The following CP variants were observed in gnomAD, a reference collection of about 807,000 sequenced individuals.
CP encodes the protein ceruloplasmin.
A neutral mutation model predicts 122.4 loss-of-function variants in CP; 64 were observed. The observed-to-expected ratio is 0.52, with a 90% CI of 0.43 to 0.64. CP has a LOEUF of 0.64. Among genes scored for constraint, CP ranks in the 30% least tolerant of loss-of-function variants. The pLI is 0.00. For synonymous variants in CP, 440 were observed against 436.4 expected (o/e 1.01, Z -0.10); for missense variants, 1,167 against 1,284.4 (o/e 0.91, Z 1.40).
chr3:149,170,365 GA>G (rs1262699195), downstream of CP: 3 of 152,276 alleles, frequency 2.0e-5, no homozygotes, highest in Admixed American at 1.3e-4. Flanking sequence ...GCTTTGATAG[GA>G]AAACATCAAT....
chr3:149,189,618 T>G (rs1726415581), intron 9 of CP, among the ~76,000 whole-genome samples: 1 of 150,886 alleles, frequency 6.6e-6, no homozygotes, highest in African/African-American at 2.4e-5. Flanking sequence ...TCAAGTATAA[T>G]AAATGCCAGA....
chr3:149,188,168 G>A lies in CP; in HGVS notation c.1748C>T (p.Thr583Ile), dbSNP rs149267362. 2.7e-5 allele frequency: 44 copies of A among 1,612,032 alleles called. No individual in the cohort carries two copies. The African/African-American group carries it at 5.6e-4, about 21-fold the overall frequency. ...DVDKEFYLFP[T>I]VFDENESLLL... ...TAAACTCTCATTCTCATCAAATACT[G>A]TAGGAAACAAATAGAATTCCTTGTC... is the stretch of plus-strand genomic sequence containing the variant. Residue 583 changes from threonine to isoleucine, a missense_variant, in exon 10 of 19, where the codon ACA becomes ATA. This residue lies in a region of CP where 525 missense variants were observed against 657.2 expected (regional missense o/e 0.80). Coordinates refer to ENST00000264613, the MANE Select transcript of CP (RefSeq NM_000096.4).
rs1230199343 is a variant in CP at position 149,175,667 on chromosome 3, G to GTGTGTGTGTGTGTA, written c.3181+582_3181+583insTACACACACACACA. Among the ~76,000 whole-genome samples the GTGTGTGTGTGTGTA allele has an allele frequency of 9.4e-4, 138 of 147,404 alleles. 1 individual carries two copies. The highest frequency in any genetic ancestry group is 3.3e-3 in the African/African-American group (136 of 40,910). On this transcript the variant is annotated intron_variant, in intron 18 of 18. Coordinates refer to ENST00000264613, the MANE Select transcript of CP (RefSeq NM_000096.4). The stretch of plus-strand genomic sequence containing the variant: ...CTGTTCATTTTTCTCCATTTTAAGT[G>GTGTGTGTGTGTGTA]TGTGTGTGTGTGTGTGTGTGTGTAC...
In CP at chr3:149,176,742, A is replaced by G. The variant is rs889058797; in HGVS notation, c.3019-330T>C. 1.1e-4 allele frequency: 28 copies of G among 258,832 alleles called. No individual in the cohort carries two copies. The Admixed American group carries it at 1.2e-3, about 11-fold the overall frequency. 16.0% of individuals were successfully genotyped at this position (258,832 alleles called of 1,614,324 possible). On this transcript the variant is annotated intron_variant, in intron 17 of 18. Coordinates refer to ENST00000264613, the MANE Select transcript of CP (RefSeq NM_000096.4). ...ACAAAAGGAACTCAGCTGTGGCCCCATTTCAGCCCTAGCCTCACTTTTGCC... is the reference window on the plus strand; with the variant it reads ...ACAAAAGGAACTCAGCTGTGGCCCCGTTTCAGCCCTAGCCTCACTTTTGCC...
chr3:149,209,285 ATGT>A lies in CP; in HGVS notation c.704_706del (p.Asn235del). On this transcript the variant is annotated inframe_deletion, in exon 4 of 19. Coordinates refer to ENST00000264613, the MANE Select transcript of CP (RefSeq NM_000096.4). ...CTCTGGTTCTGAGCAGTAGGTTTTA[ATGT>A]TGTCTTCTAGGTACCAGCTGAAATT... 1 of 1,613,784 alleles carries A rather than the reference ATGT, an allele frequency of 6.2e-7. No homozygotes were observed.
At chr3:149,210,636 A>C (rs1020371799) in intron 2 of CP, among the ~76,000 whole-genome samples, 6 of 152,166 alleles carry the variant, frequency 3.9e-5, no homozygotes, top group Admixed American at 3.3e-4. Flanking sequence ...TTTGCAATGT[A>C]AAGAACTCGG....
downstream of CP, chr3:149,167,801 T>C (rs1003833473): frequency 4.9e-6 from 4 of 808,884 alleles, no homozygotes; most frequent in Non-Finnish European, 6.6e-6. Flanking sequence ...GTATTTTTGC[T>C]CTGTGCTTTC....
exon 5 of CP, chr3:149,165,978 T>G (rs1297935677): frequency 2.2e-6 from 1 of 455,844 alleles, no homozygotes; most frequent in African/African-American, 2.0e-5. Flanking sequence ...GGTAGATATT[T>G]GGAATAAAAT....
chr3:149,183,770 A>C (rs1238177881), intron 12 of CP, among the ~76,000 whole-genome samples, 165 bp from the exon 13 acceptor site: 1 of 152,124 alleles, frequency 6.6e-6, no homozygotes, highest in East Asian at 1.9e-4. Context: ...AGACTTTAAA[A>C]GTCTGTGTGG....
intron 5 of CP, chr3:149,162,923 C>A: frequency 7.0e-7 from 1 of 1,432,692 alleles, no homozygotes; most frequent in Non-Finnish European, 9.8e-7. Context: ...ATGCATTGCC[C>A]ATTACAAAAA....
chr3:149,186,105 C>G (rs1726151411), intron 11 of CP: 1 of 250,906 alleles, frequency 4.0e-6, no homozygotes, highest in Admixed American at 5.1e-5. Flanking sequence ...GGCTACAATG[C>G]TAGCATAGAA....
intron 5 of CP, chr3:149,165,882 C>G: frequency 2.5e-6 from 1 of 405,034 alleles, no homozygotes; most frequent in Non-Finnish European, 5.0e-6. Flanking sequence ...TCTCTGCCAT[C>G]TGATTGTCAG....
At position 149,184,485 on chromosome 3, in the gene CP, A is replaced by T. The variant is rs560365094; in HGVS notation, c.2285+754T>A. On this transcript the variant is annotated intron_variant, in intron 12 of 18. Transcript: ENST00000264613. ...CTAGCCACAGGTCACCAGTTGTGCT[A>T]TGCACCCTGGATCTGAACACCTGCC... Among the ~76,000 whole-genome samples, 105 of 152,288 alleles carry T rather than the reference A, an allele frequency of 6.9e-4. 1 individual carries two copies. The highest frequency in any genetic ancestry group is 2.4e-3 in the African/African-American group (101 of 41,560).
At chr3:149,179,776 T>C in intron 14 of CP, 114 bp from the exon 15 acceptor site, 1 of 735,518 alleles carries the variant, frequency 1.4e-6, no homozygotes, top group Admixed American at 2.1e-5. Flanking sequence ...ACCCAGGAAC[T>C]GGAAATGTCA....
At chr3:149,174,119 A>G (rs567733780) in intron 18 of CP, among the ~76,000 whole-genome samples, 1 of 152,272 alleles carries the variant, frequency 6.6e-6, no homozygotes, top group South Asian at 2.1e-4. Flanking sequence ...GCATAACCTA[A>G]ATCTAATCAT....
At chr3:149,170,240 A>G (rs942087655), downstream of CP, among the ~76,000 whole-genome samples, 1 of 152,192 alleles carries the variant, frequency 6.6e-6, no homozygotes. Flanking sequence ...GAAGAGGAGA[A>G]TTGGGAAGTG....
At chr3:149,202,362 G>A (rs1727388953) in intron 6 of CP, 121 bp from the exon 7 acceptor site, 2 of 1,247,594 alleles carry the variant, frequency 1.6e-6, no homozygotes, top group Non-Finnish European at 1.2e-6. Context: ...TATTATCCAT[G>A]ATTTATAGCA....
Position 149,207,591 on chromosome 3 carries a change from G to A in CP, c.808C>T (p.Leu270Phe). The A allele has an allele frequency of 6.2e-7, 1 of 1,613,922 alleles. No individual in the cohort carries two copies. Among genetic ancestry groups the A allele is most frequent in the Non-Finnish European group, 8.5e-7 (1 of 1,179,810 alleles). The change falls in exon 5 of 19, where the codon CTC (leucine) becomes TTC (phenylalanine). Residue 270 changes from leucine to phenylalanine, a missense_variant. Physicochemically the swap from Leu to Phe is conservative, Grantham distance 22. This residue lies in a region of CP where 642 missense variants were observed against 627.3 expected (regional missense o/e 1.02). Coordinates refer to ENST00000264613, the MANE Select transcript of CP (RefSeq NM_000096.4). ...YSVNGYTFGS[L>F]PGLSMCAEDR... ...TCAGCACACATGGAGAGTCCTGGGAGACTTCCAAAAGTGTATCCATTCACA... is the reference window on the plus strand; with the variant it reads ...TCAGCACACATGGAGAGTCCTGGGAAACTTCCAAAAGTGTATCCATTCACA...
chr3:149,210,304 T>C lies in CP; in HGVS notation c.470A>G (p.Tyr157Cys). Reference sequence around the variant, plus strand: ...TTGTTCTTCAGTGGCAAGCAACATGTATGTATACTGCTCTCCTGGATATAC... The same window carrying C: ...TTGTTCTTCAGTGGCAAGCAACATGCATGTATACTGCTCTCCTGGATATAC... ...DKVYPGEQYT[Y>C]MLLATEEQSP... The change falls in exon 3 of 19, where the codon TAC becomes TGC. Residue 157 changes from tyrosine (Y) to cysteine (C), a missense_variant. Physicochemically the swap from Tyr to Cys is radical, Grantham distance 194 (BLOSUM62 -2). Transcript: ENST00000264613. The C allele has an allele frequency of 6.2e-7, 1 of 1,614,146 alleles. No homozygotes were observed. Among genetic ancestry groups the C allele is most frequent in the Non-Finnish European group, 8.5e-7 (1 of 1,179,970 alleles).
Sources: gnomAD v4.1 joint callset for allele counts (sites outside exome capture counted in the v4.1 genomes callset) on GRCh38, gnomAD v4.1.1 for gene constraint, gnomAD v4.1.1 regional missense constraint, MANE v1.5 for transcripts, NCBI Gene and HGNC (gene_info 2026-07-23, HGNC 2026-07-21) for gene names.